Variants in ZDHHC14 observed in about 807,000 individuals in gnomAD.
The protein encoded by ZDHHC14 is zDHHC palmitoyltransferase 14, also known as palmitoyltransferase ZDHHC14.
A neutral mutation model predicts 47.7 loss-of-function variants in ZDHHC14; 16 were observed. The observed-to-expected ratio is 0.34, with a 90% confidence interval of 0.23 to 0.51. The LOEUF is 0.51. Ranked by LOEUF, ZDHHC14 falls within the 20% of genes least tolerant of loss-of-function variation. The pLI, the probability that ZDHHC14 is intolerant of heterozygous loss-of-function variation, is 0.97. For synonymous variants in ZDHHC14, 293 were observed against 278.9 expected, an observed-to-expected ratio of 1.05 and a Z score of -0.50; for missense variants, 515 against 662.5, an observed-to-expected ratio of 0.78 and a Z score of 2.44.
chr6:157,540,908 G>GTATATATATATATATATATATATATA (rs1200618040), intron 1 of ZDHHC14, among the ~76,000 whole-genome samples: 2 of 131,526 alleles, frequency 1.5e-5, no homozygotes, highest in African/African-American at 7.7e-5. Flanking sequence ...GTGTGTGTGT[G>GTATATATATATATATATATATATATA]TGTATATATA....
chr6:157,426,263 G>A (rs1778215702), intron 1 of ZDHHC14, among the ~76,000 whole-genome samples: 2 of 152,184 alleles, frequency 1.3e-5, no homozygotes, highest in Non-Finnish European at 2.9e-5. Flanking sequence ...GGGTGGGGAG[G>A]TGGGGAAGGG....
chr6:157,562,938 A>C (rs762376215), intron 2 of ZDHHC14, among the ~76,000 whole-genome samples: 3 of 144,900 alleles, frequency 2.1e-5, no homozygotes, highest in Non-Finnish European at 4.5e-5. Context: ...CCCCAACCCC[A>C]CCCCTGCCCT....
chr6:157,648,717 C>G (rs961932421), intron 7 of ZDHHC14, among the ~76,000 whole-genome samples: 1 of 152,202 alleles, frequency 6.6e-6, no homozygotes, highest in African/African-American at 2.4e-5. Context: ...GTGCCAGCTC[C>G]TCTTGAAGAA....
At chr6:157,611,329 T>TA (rs1252387708) in intron 3 of ZDHHC14, among the ~76,000 whole-genome samples, 18 of 152,212 alleles carry the variant, frequency 1.2e-4, no homozygotes, top group Admixed American at 9.2e-4. Context: ...AGTGCTTTGA[T>TA]AGAGGATTCT....
At chr6:157,520,001 T>C (rs769117632) in intron 1 of ZDHHC14, among the ~76,000 whole-genome samples, 1 of 152,136 alleles carries the variant, frequency 6.6e-6, no homozygotes. Flanking sequence ...GACAGACTTC[T>C]TGAAGTAGGT....
At chr6:157,498,578 T>A (rs1044991264) in intron 1 of ZDHHC14, among the ~76,000 whole-genome samples, 6 of 152,222 alleles carry the variant, frequency 3.9e-5, no homozygotes, top group African/African-American at 1.4e-4. Flanking sequence ...GATATTATTA[T>A]CATTGCACTG....
intron 1 of ZDHHC14, among the ~76,000 whole-genome samples, chr6:157,459,919 T>G (rs1001269742): frequency 6.7e-6 from 1 of 148,898 alleles, no homozygotes; most frequent in African/African-American, 2.5e-5. Flanking sequence ...CTGCTAAAAA[T>G]TGAAAAATTA....
At chr6:157,466,832 T>C (rs1779229771) in intron 1 of ZDHHC14, among the ~76,000 whole-genome samples, 1 of 151,882 alleles carries the variant, frequency 6.6e-6, no homozygotes, top group Non-Finnish European at 1.5e-5. Context: ...TGAGACTCTT[T>C]CTCAAAAAAC....
intron 1 of ZDHHC14, among the ~76,000 whole-genome samples, chr6:157,394,888 A>G (rs1777490551): frequency 6.6e-6 from 1 of 152,066 alleles, no homozygotes; most frequent in Non-Finnish European, 1.5e-5. Flanking sequence ...ACAGGGCTGA[A>G]GTTTGAGAAT....
intron 1 of ZDHHC14, among the ~76,000 whole-genome samples, chr6:157,513,918 T>G (rs999962064): frequency 3.9e-5 from 6 of 152,108 alleles, no homozygotes; most frequent in Non-Finnish European, 1.5e-5. Context: ...GAGCAAACCT[T>G]GGCTCAGCGA....
At chr6:157,416,981 T>TTG (rs1335130118) in intron 1 of ZDHHC14, among the ~76,000 whole-genome samples, 4 of 107,706 alleles carry the variant, frequency 3.7e-5, no homozygotes, top group Admixed American at 9.2e-5. Flanking sequence ...AGTTTTTTTT[T>TTG]TTTTTTTTTT....
chr6:157,600,843 A>G (rs1054561426), intron 3 of ZDHHC14, among the ~76,000 whole-genome samples: 1 of 152,178 alleles, frequency 6.6e-6, no homozygotes, highest in Non-Finnish European at 1.5e-5. Flanking sequence ...TGCTTGGCAA[A>G]AGGGACTTTG....
At chr6:157,409,992 C>T (rs1173808542) in intron 1 of ZDHHC14, among the ~76,000 whole-genome samples, 3 of 151,954 alleles carry the variant, frequency 2.0e-5, no homozygotes, top group African/African-American at 4.8e-5. Flanking sequence ...CCATCACGCC[C>T]GGCTAATTTT....
Position 157,673,303 on chromosome 6 carries a change from T to G in ZDHHC14, c.*181T>G. ...GTGGCTGGCCCCGGATGCTGAGAGC[T>G]TGGTTTCATTTGAATTTTCTTCCCC... On this transcript the variant is annotated 3_prime_UTR_variant, in exon 9 of 9. Coordinates refer to ENST00000359775, the MANE Select transcript of ZDHHC14 (RefSeq NM_024630.3). This position sits in a 1 kb window ranked among gnomAD's most constrained non-coding sequence, Gnocchi z 5.4. 1 of 719,638 alleles carries G rather than the reference T, an allele frequency of 1.4e-6. No homozygotes were observed. Among genetic ancestry groups the G allele is most frequent in the Non-Finnish European group, 2.1e-6 (1 of 476,710 alleles). The allele number at this position is 719,638 out of a possible 1,614,324, so 44.6% of individuals were successfully genotyped here.
At position 157,419,808 on chromosome 6, in the gene ZDHHC14, G is replaced by A. The variant is rs566892738; in HGVS notation, c.245+37542G>A. Among the ~76,000 whole-genome samples the A allele has an allele frequency of 1.2e-4, 19 of 152,282 alleles. 1 individual carries two copies. In the South Asian group the frequency reaches 3.9e-3, roughly 32 times the overall value. On this transcript the variant is annotated intron_variant, in intron 1 of 8. Transcript: ENST00000359775. ...TGTGTGTGGACATAAGTTTTCAGGGGACGTGATTGCTGGATATATGGTAAG... is the reference window on the plus strand; with the variant it reads ...TGTGTGTGGACATAAGTTTTCAGGGAACGTGATTGCTGGATATATGGTAAG...
chr6:157,606,404 T>A (rs965946900), intron 3 of ZDHHC14, among the ~76,000 whole-genome samples: 2 of 151,982 alleles, frequency 1.3e-5, no homozygotes, highest in Admixed American at 6.6e-5. Flanking sequence ...AGGTGGAGGT[T>A]ACAGTGAGCA....
At chr6:157,653,448 C>A in intron 7 of ZDHHC14, 77 bp from the exon 8 acceptor site, 1 of 1,512,054 alleles carries the variant, frequency 6.6e-7, no homozygotes, top group Non-Finnish European at 9.1e-7. Flanking sequence ...AGCCCCGACG[C>A]GGAACCTGAG....
At chr6:157,639,779 C>T (rs1328022673) in intron 5 of ZDHHC14, among the ~76,000 whole-genome samples, 2 of 152,046 alleles carry the variant, frequency 1.3e-5, no homozygotes, top group Admixed American at 1.3e-4. Flanking sequence ...CCAAGAGTGC[C>T]TGGGGGAAAG....
chr6:157,437,235 G>A (rs148732921), intron 1 of ZDHHC14, among the ~76,000 whole-genome samples: 113 of 152,318 alleles, frequency 7.4e-4, no homozygotes, highest in African/African-American at 2.7e-3. Context: ...GAAGCTTTGT[G>A]CTGTACTGTG....
Sources: allele counts gnomAD v4.1 joint callset (sites outside exome capture counted in the v4.1 genomes callset), GRCh38; gene constraint gnomAD v4.1.1; non-coding constraint Gnocchi (gnomAD v3.1); transcripts MANE v1.5; gene names NCBI Gene and HGNC (gene_info 2026-07-23, HGNC 2026-07-21).